The following GBE1 variants were observed in gnomAD, a reference collection of about 807,000 sequenced individuals.
GBE1 encodes 1,4-alpha-glucan branching enzyme 1.
Under a neutral mutation model 88.8 loss-of-function variants are expected in GBE1, and 70 were observed. The observed-to-expected ratio is 0.79, with a 90% CI of 0.65 to 0.96. GBE1 has a LOEUF of 0.96. Ranked by LOEUF, GBE1 falls within the 40% of genes least tolerant of loss-of-function variation. The pLI, the probability that GBE1 is intolerant of heterozygous loss-of-function variation, is 0.00. For synonymous variants in GBE1, 284 were observed against 300.1 expected (o/e 0.95, Z 0.56); for missense variants, 872 against 871.0 (o/e 1.00, Z -0.01).
At chr3:81,515,977 A>G (rs1349635970) in intron 14 of GBE1, among the ~76,000 whole-genome samples, 1 of 151,696 alleles carries the variant, frequency 6.6e-6, no homozygotes, top group Non-Finnish European at 1.5e-5. Context: ...TTTAAGGAAT[A>G]AAGACATCTT....
chr3:81,743,702 G>C, intron 1 of GBE1: 1 of 980,936 alleles, frequency 1.0e-6, no homozygotes, highest in Non-Finnish European at 1.5e-6. Context: ...TATCAAGAAA[G>C]ACCAGATTTA....
intron 2 of GBE1, among the ~76,000 whole-genome samples, chr3:81,674,756 C>T (rs1705230599): frequency 6.6e-6 from 1 of 151,948 alleles, no homozygotes. Context: ...AATCAGGTTA[C>T]TCAAACTTTT....
At chr3:81,755,055 G>A (rs1407501137) in intron 1 of GBE1, among the ~76,000 whole-genome samples, 1 of 152,056 alleles carries the variant, frequency 6.6e-6, no homozygotes, top group Non-Finnish European at 1.5e-5. Flanking sequence ...TAGAATAGGA[G>A]AAAATATCTG....
chr3:81,500,432 C>T (rs1246666031), intron 14 of GBE1, among the ~76,000 whole-genome samples: 2 of 151,960 alleles, frequency 1.3e-5, no homozygotes, highest in African/African-American at 2.4e-5. Flanking sequence ...TTAAAAAAAA[C>T]TATTAACATA....
chr3:81,578,709 G>A (rs879689011), intron 11 of GBE1, among the ~76,000 whole-genome samples: 75 of 151,740 alleles, frequency 4.9e-4, no homozygotes, highest in Non-Finnish European at 2.1e-4. Context: ...ATTAACTGAG[G>A]CAGGTAACTC....
At chr3:81,719,178 T>C (rs367914852) in intron 1 of GBE1, among the ~76,000 whole-genome samples, 105 of 152,250 alleles carry the variant, frequency 6.9e-4, no homozygotes, top group African/African-American at 2.4e-3. Flanking sequence ...GTATGTTAAC[T>C]TTTCCTATTT....
intron 10 of GBE1, among the ~76,000 whole-genome samples, chr3:81,585,870 A>G (rs1270784585): frequency 1.3e-5 from 2 of 152,230 alleles, no homozygotes; most frequent in Non-Finnish European, 2.9e-5. Context: ...GATATTAATC[A>G]TATTTTCCCT....
intron 13 of GBE1, among the ~76,000 whole-genome samples, chr3:81,535,757 T>G (rs1703066438): frequency 1.3e-5 from 2 of 152,114 alleles, no homozygotes; most frequent in African/African-American, 4.8e-5. Context: ...TTTAATGTAG[T>G]TTCTGAAATT....
intron 12 of GBE1, among the ~76,000 whole-genome samples, chr3:81,547,593 T>A (rs1433914128): frequency 2.0e-5 from 3 of 150,438 alleles, no homozygotes; most frequent in African/African-American, 7.3e-5. Flanking sequence ...AGGATAAGAA[T>A]TTCTTACTAG....
rs1704807899 is a variant in GBE1, at chr3:81,648,981, G to A, written c.566C>T (p.Ser189Phe). 1.3e-6 allele frequency: 2 copies of A among 1,574,404 alleles called. No homozygotes were observed. The highest frequency in any genetic ancestry group is 2.7e-5 in the African/African-American group (2 of 73,318). Residue 189 changes from serine to phenylalanine, a missense_variant, in exon 5 of 16, where the codon TCC becomes TTC. Ser to Phe is a radical substitution (Grantham distance 155). Transcript: ENST00000429644. ...TAGACTCCGTGGCTTCTTTGGTCTGGAATGCTTAAACTACAGAATATAAAA... is the reference window on the plus strand; with the variant it reads ...TAGACTCCGTGGCTTCTTTGGTCTGAAATGCTTAAACTACAGAATATAAAA... The part of the protein sequence containing the change: ...DPEHSYEFKH[S>F]RPKKPRSLRI...
chr3:81,699,936 T>C (rs1247970824), intron 2 of GBE1, among the ~76,000 whole-genome samples: 1 of 152,228 alleles, frequency 6.6e-6, no homozygotes. Flanking sequence ...GTTATTTGGC[T>C]AATGAAATGT....
intron 7 of GBE1, among the ~76,000 whole-genome samples, chr3:81,629,134 T>C (rs1275690659): frequency 3.5e-5 from 5 of 144,044 alleles, no homozygotes; most frequent in Admixed American, 2.1e-4. Context: ...CCCACTAACG[T>C]GTCATCTAGC....
In GBE1 at chr3:81,586,093, T is replaced by G. The variant is rs778936934; in HGVS notation, c.1334A>C (p.Gln445Pro). The change falls in exon 10 of 16, where the codon CAG (glutamine) becomes CCG (proline). Residue 445 changes from glutamine to proline, a missense_variant and splice_region_variant. Coordinates refer to ENST00000429644, the MANE Select transcript of GBE1 (RefSeq NM_000158.4). ...LAMAIPDKWI[Q>P]LLKEFKDEDW... ...AAAAATATTTACATGGACTCTTACC[T>G]GAATCCACTTATCTGGAATTGCCAT... The G allele has an allele frequency of 6.3e-7, 1 of 1,584,812 alleles. No individual in the cohort carries two copies. Among genetic ancestry groups the G allele is most frequent in the Admixed American group, 1.7e-5 (1 of 58,540 alleles).
intron 1 of GBE1, among the ~76,000 whole-genome samples, chr3:81,754,872 T>G (rs1012499514): frequency 6.6e-6 from 1 of 152,082 alleles, no homozygotes; most frequent in Non-Finnish European, 1.5e-5. Flanking sequence ...CTATGAAAAT[T>G]GTAGCAGAAA....
At chr3:81,613,089 G>T in intron 7 of GBE1, 2 of 595,578 alleles carry the variant, frequency 3.4e-6, no homozygotes, top group South Asian at 1.8e-5. Context: ...ATAGAACACT[G>T]ATGGATTCCG....
At chr3:81,728,639 G>A (rs187303725) in intron 1 of GBE1, among the ~76,000 whole-genome samples, 1 of 152,046 alleles carries the variant, frequency 6.6e-6, no homozygotes, top group African/African-American at 2.4e-5. Context: ...GGAAAGAGAG[G>A]AGGAGGAGAG....
At chr3:81,499,808 T>C (rs1388016438) in intron 14 of GBE1, among the ~76,000 whole-genome samples, 2 of 152,180 alleles carry the variant, frequency 1.3e-5, no homozygotes, top group African/African-American at 2.4e-5. Context: ...AATAAGTTGT[T>C]AGATAGTATT....
intron 7 of GBE1, among the ~76,000 whole-genome samples, chr3:81,613,876 A>G (rs1704213699): frequency 6.6e-6 from 1 of 152,022 alleles, no homozygotes; most frequent in Non-Finnish European, 1.5e-5. Flanking sequence ...GCTCAGTTTT[A>G]AACATTGAAA....
intron 15 of GBE1, among the ~76,000 whole-genome samples, chr3:81,492,714 TTCCTTCC>T (rs1298760819): frequency 3.3e-5 from 4 of 120,374 alleles, no homozygotes; most frequent in Non-Finnish European, 6.9e-5. Context: ...CTTCCTTTCC[TTCCTTCC>T]TTCCTTCCTT....
Sources: gnomAD v4.1 joint callset for allele counts (sites outside exome capture counted in the v4.1 genomes callset) on GRCh38, gnomAD v4.1.1 for gene constraint, MANE v1.5 for transcripts, NCBI Gene and HGNC (gene_info 2026-07-23, HGNC 2026-07-21) for gene names.